Variants in SLAIN1 observed in about 807,000 individuals in gnomAD.
SLAIN1 encodes the protein SLAIN family member 1, also known as SLAIN motif-containing protein 1.
A neutral mutation model predicts 55.4 loss-of-function variants in SLAIN1; 17 were observed. That is an observed-to-expected ratio of 0.31 (90% CI 0.21 to 0.46). The LOEUF (loss-of-function observed/expected upper bound fraction) is 0.46, where lower values mean the gene tolerates loss of function less well. Ranked by LOEUF, SLAIN1 falls within the 20% of genes least tolerant of loss-of-function variation. SLAIN1 has a pLI of 1.00. For synonymous variants in SLAIN1, 348 were observed against 337.4 expected (o/e 1.03, Z -0.35); for missense variants, 682 against 785.1 (o/e 0.87, Z 1.57).
At chr13:77,729,426 A>T (rs1350358887) in intron 2 of SLAIN1, among the ~76,000 whole-genome samples, 19 of 151,942 alleles carry the variant, frequency 1.3e-4, no homozygotes. Context: ...AACAATAGAG[A>T]TTCTCCCAAA....
chr13:77,727,576 G>A (rs539852967), intron 2 of SLAIN1, among the ~76,000 whole-genome samples: 1 of 152,056 alleles, frequency 6.6e-6, no homozygotes, highest in African/African-American at 2.4e-5. Flanking sequence ...TTCTGAGCGT[G>A]GGGGTTTCAG....
intron 2 of SLAIN1, among the ~76,000 whole-genome samples, chr13:77,727,952 T>C (rs2091323367): frequency 6.6e-6 from 1 of 152,238 alleles, no homozygotes; most frequent in Non-Finnish European, 1.5e-5. Context: ...TTATACTTCA[T>C]AGAAAACTAA....
At chr13:77,711,843 C>T (rs922308656) in intron 1 of SLAIN1, among the ~76,000 whole-genome samples, 5 of 152,112 alleles carry the variant, frequency 3.3e-5, no homozygotes, top group African/African-American at 9.7e-5. Flanking sequence ...ACTGGCAAAT[C>T]GAATCCAACA....
At chr13:77,716,426 A>AAC (rs2091208518) in intron 1 of SLAIN1, among the ~76,000 whole-genome samples, 1 of 151,806 alleles carries the variant, frequency 6.6e-6, no homozygotes, top group Non-Finnish European at 1.5e-5. Context: ...AGCTTGCTGG[A>AAC]ATTTCTATTG....
At chr13:77,727,152 A>G (rs990970036) in intron 2 of SLAIN1, among the ~76,000 whole-genome samples, 1 of 152,194 alleles carries the variant, frequency 6.6e-6, no homozygotes, top group African/African-American at 2.4e-5. Flanking sequence ...TTGAGTATGC[A>G]GTCTTCAACA....
intron 2 of SLAIN1, among the ~76,000 whole-genome samples, chr13:77,723,059 T>A (rs774884421): frequency 6.6e-6 from 1 of 152,216 alleles, no homozygotes; most frequent in Non-Finnish European, 1.5e-5. Context: ...ATCTAACATT[T>A]TTTTTCAGAA....
intron 5 of SLAIN1, among the ~76,000 whole-genome samples, chr13:77,755,507 A>G (rs1272162081): frequency 6.6e-6 from 1 of 152,192 alleles, no homozygotes; most frequent in Non-Finnish European, 1.5e-5. Context: ...AAGAATGTTC[A>G]GCCTTGATTG....
At chr13:77,755,663 G>T (rs768917296) in intron 5 of SLAIN1, among the ~76,000 whole-genome samples, 1 of 152,170 alleles carries the variant, frequency 6.6e-6, no homozygotes, top group Admixed American at 6.5e-5. Flanking sequence ...AAATAAATAT[G>T]CATGGGTTCA....
At chr13:77,726,401 T>G (rs1432738183) in intron 2 of SLAIN1, among the ~76,000 whole-genome samples, 2 of 152,288 alleles carry the variant, frequency 1.3e-5, no homozygotes, top group East Asian at 3.9e-4. Context: ...CTAATTCTTA[T>G]AGGGAATATT....
intron 2 of SLAIN1, among the ~76,000 whole-genome samples, chr13:77,732,767 G>C (rs532643382): frequency 2.6e-5 from 4 of 152,088 alleles, no homozygotes; most frequent in Non-Finnish European, 5.9e-5. Flanking sequence ...GATAATACTG[G>C]ATTTGATCTG....
chr13:77,721,026 A>G (rs970412037), intron 2 of SLAIN1, among the ~76,000 whole-genome samples: 2 of 152,064 alleles, frequency 1.3e-5, no homozygotes, highest in Non-Finnish European at 2.9e-5. Flanking sequence ...CATTTACCTA[A>G]GTGACTCGAA....
chr13:77,717,260 T>C (rs1288961838), intron 1 of SLAIN1, among the ~76,000 whole-genome samples: 1 of 152,184 alleles, frequency 6.6e-6, no homozygotes, highest in African/African-American at 2.4e-5. Context: ...TCTGTGTTCA[T>C]GTGTGATATT....
chr13:77,748,398 CTTTTTTTTTTTT>C (rs934265928), intron 4 of SLAIN1, among the ~76,000 whole-genome samples: 1 of 79,564 alleles, frequency 1.3e-5, no homozygotes, highest in African/African-American at 5.2e-5. Flanking sequence ...TTCTCTAAAG[CTTTTTTTTTTTT>C]TTTTTTTTTT....
rs554217257 is a variant in SLAIN1, at chr13:77,731,589, C to G, written c.766+11918C>G. On this transcript the variant is annotated intron_variant, in intron 2 of 6. Coordinates refer to ENST00000418532, the MANE Select transcript of SLAIN1 (RefSeq NM_001242868.2). The stretch of plus-strand genomic sequence containing the variant: ...GAAGATGAAATAAGACAGTGATTGA[C>G]TCTCAGGCTTGTGATGTTCTTCACC... 4.6e-5 allele frequency among the ~76,000 whole-genome samples: 7 copies of G among 152,216 alleles called. No homozygotes were observed. In the East Asian group the frequency reaches 1.4e-3, roughly 29 times the overall value.
At chr13:77,718,902 A>G (rs1225235400) in intron 1 of SLAIN1, among the ~76,000 whole-genome samples, 1 of 152,110 alleles carries the variant, frequency 6.6e-6, no homozygotes, top group African/African-American at 2.4e-5. Context: ...ACTATCCATT[A>G]CTGTGTAATT....
At position 77,753,357 on chromosome 13, in the gene SLAIN1, T is replaced by C; in HGVS notation, c.1413T>C (p.Cys471=). The C allele has an allele frequency of 6.4e-7, 1 of 1,555,074 alleles. No homozygotes were observed. Among genetic ancestry groups the C allele is most frequent in the Non-Finnish European group, 8.7e-7 (1 of 1,144,600 alleles). ...ATGGAATTTCAAGAATACAATCTTG[T>C]AGTGAGTATAATTATTTGATATAAT... is the stretch of plus-strand genomic sequence containing the variant. ...AGNGISRIQS[C]IPSPGQLQHR... is the part of the protein sequence containing the mutation. Residue 471 remains cysteine (C), a splice_region_variant and synonymous_variant, in exon 5 of 7, where the codon TGT becomes TGC. Transcript: ENST00000418532.
At chr13:77,762,286 G>A (rs895938137) in intron 6 of SLAIN1, among the ~76,000 whole-genome samples, 1 of 152,102 alleles carries the variant, frequency 6.6e-6, no homozygotes. Flanking sequence ...ATTTATCCTT[G>A]ACTATGTGTC....
intron 1 of SLAIN1, among the ~76,000 whole-genome samples, chr13:77,718,447 G>A (rs1352321087): frequency 6.6e-6 from 1 of 152,038 alleles, no homozygotes; most frequent in Non-Finnish European, 1.5e-5. Flanking sequence ...TTACTTGCCG[G>A]TCCTTTACAG....
intron 2 of SLAIN1, among the ~76,000 whole-genome samples, chr13:77,738,264 A>G (rs576341237): frequency 1.3e-5 from 2 of 151,200 alleles, no homozygotes; most frequent in South Asian, 2.1e-4. Context: ...ATACATATAC[A>G]TATATATATA....
Sources: gnomAD v4.1 joint callset for allele counts (sites outside exome capture counted in the v4.1 genomes callset) on GRCh38, gnomAD v4.1.1 for gene constraint, MANE v1.5 for transcripts, NCBI Gene and HGNC (gene_info 2026-07-23, HGNC 2026-07-21) for gene names.